The following KALRN variants were observed in gnomAD, a reference collection of about 807,000 sequenced individuals.
KALRN encodes kalirin RhoGEF kinase, also known as kalirin.
KALRN carries 70 observed loss-of-function variants against 353.7 expected under a neutral mutation model. The observed-to-expected ratio is 0.20, with a 90% CI of 0.16 to 0.24. The LOEUF (loss-of-function observed/expected upper bound fraction) is 0.24, where lower values mean the gene tolerates loss of function less well. Ranked by LOEUF, KALRN falls within the 10% of genes least tolerant of loss-of-function variation. KALRN has a pLI of 1.00. For missense variants in KALRN, 2,791 were observed against 3,756.7 expected, an observed-to-expected ratio of 0.74 and a Z score of 6.72; for synonymous variants, 1,391 against 1,434.8, an observed-to-expected ratio of 0.97 and a Z score of 0.69.
chr3:124,457,997 C>A (rs887316842), intron 23 of KALRN, among the ~76,000 whole-genome samples: 1 of 152,026 alleles, frequency 6.6e-6, no homozygotes, highest in East Asian at 1.9e-4. Context: ...CTCTGCTGGC[C>A]GCGTGTGGTG....
chr3:124,135,851 A>G (rs1372115191), intron 1 of KALRN, among the ~76,000 whole-genome samples: 1 of 152,158 alleles, frequency 6.6e-6, no homozygotes, highest in Non-Finnish European at 1.5e-5. Flanking sequence ...AAGGGAAGTG[A>G]TGAACACTGG....
chr3:124,469,736 C>T (rs1277107381), intron 25 of KALRN, among the ~76,000 whole-genome samples: 1 of 152,152 alleles, frequency 6.6e-6, no homozygotes, highest in Non-Finnish European at 1.5e-5. Flanking sequence ...CAGGCCCCTT[C>T]CCCTATCACC....
chr3:124,278,406 G>A (rs1026834202), intron 5 of KALRN, among the ~76,000 whole-genome samples: 4 of 151,562 alleles, frequency 2.6e-5, no homozygotes, highest in Non-Finnish European at 5.9e-5. Flanking sequence ...CCCCAGTAGG[G>A]GAAACAGGGG....
chr3:124,583,324 C>A (rs2074806450), intron 34 of KALRN, among the ~76,000 whole-genome samples: 1 of 151,326 alleles, frequency 6.6e-6, no homozygotes, highest in South Asian at 2.1e-4. Flanking sequence ...TAAAGCTGGA[C>A]ACAAAGGAAT....
At chr3:124,419,288 A>T (rs1188944694) in intron 14 of KALRN, among the ~76,000 whole-genome samples, 1 of 151,016 alleles carries the variant, frequency 6.6e-6, no homozygotes, top group Non-Finnish European at 1.5e-5. Context: ...AGGGAAAGGA[A>T]AAAGTGAGAA....
chr3:124,653,757 T>C (rs1189147336), intron 38 of KALRN, among the ~76,000 whole-genome samples: 1 of 152,252 alleles, frequency 6.6e-6, no homozygotes, highest in Non-Finnish European at 1.5e-5. Context: ...ATAATTTTAG[T>C]TGGACCAAAG....
chr3:124,192,726 C>G (rs1161702166), intron 1 of KALRN, among the ~76,000 whole-genome samples: 1 of 152,150 alleles, frequency 6.6e-6, no homozygotes, highest in Non-Finnish European at 1.5e-5. Flanking sequence ...GATGTGTGTG[C>G]ACAGAGGAGA....
Position 124,462,505 on chromosome 3 carries a change from A to C in KALRN, c.3922-19A>C. The stretch of plus-strand genomic sequence containing the variant: ...GGCCTGCCAGACTTGCCAGTGATGA[A>C]ACTGTTACTGTCTTACAGACCTACC... On this transcript the variant is annotated intron_variant, in intron 24 of 59. Transcript: ENST00000682506. 1.4e-6 allele frequency: 2 copies of C among 1,445,068 alleles called. No homozygotes were observed. The highest frequency in any genetic ancestry group is 1.9e-6 in the Non-Finnish European group (2 of 1,028,658). 89.5% of individuals were successfully genotyped at this position (1,445,068 alleles called of 1,614,324 possible).
intron 8 of KALRN, among the ~76,000 whole-genome samples, chr3:124,330,531 A>G (rs563649168): frequency 6.6e-6 from 1 of 152,310 alleles, no homozygotes; most frequent in East Asian, 1.9e-4. Context: ...AGAAGCTTCC[A>G]TGAATGTGAA....
At chr3:124,645,809 GT>G (rs1559757156) in intron 37 of KALRN, among the ~76,000 whole-genome samples, 1 of 151,862 alleles carries the variant, frequency 6.6e-6, no homozygotes, top group Non-Finnish European at 1.5e-5. Flanking sequence ...TTACCTTTGC[GT>G]ATATACCCAG....
At chr3:124,668,663 A>G (rs2085982827) in intron 47 of KALRN, among the ~76,000 whole-genome samples, 1 of 152,244 alleles carries the variant, frequency 6.6e-6, no homozygotes, top group Non-Finnish European at 1.5e-5. Flanking sequence ...TGTAAAAAAA[A>G]TTTGGTGAAA....
At chr3:124,180,848 T>A (rs372420851) in intron 1 of KALRN, among the ~76,000 whole-genome samples, 1 of 151,556 alleles carries the variant, frequency 6.6e-6, no homozygotes, top group African/African-American at 2.4e-5. Flanking sequence ...CTTCCTGTAA[T>A]GAACAACACT....
chr3:124,299,785 C>T (rs1253941908), intron 6 of KALRN, among the ~76,000 whole-genome samples: 1 of 152,114 alleles, frequency 6.6e-6, no homozygotes, highest in Non-Finnish European at 1.5e-5. Context: ...TCCAGATGAC[C>T]ACTCTTATCC....
chr3:124,308,684 CAT>C (rs2077945555), intron 6 of KALRN, among the ~76,000 whole-genome samples: 1 of 151,678 alleles, frequency 6.6e-6, no homozygotes, highest in Non-Finnish European at 1.5e-5. Context: ...TTAGAGAGAA[CAT>C]ATAGTTGTAA....
chr3:124,358,387 T>C (rs567065898), intron 10 of KALRN, among the ~76,000 whole-genome samples: 1 of 151,712 alleles, frequency 6.6e-6, no homozygotes, highest in Non-Finnish European at 1.5e-5. Context: ...AAGGAAGTCT[T>C]TTTTTTTCTT....
rs1448401206 is a variant in KALRN at position 124,456,624 on chromosome 3, G to A, written c.3750G>A (p.Leu1250=). Residue 1250 remains leucine, a synonymous_variant, in exon 23 of 60, where the codon CTG becomes CTA. Transcript: ENST00000682506. ...TCCATGTGCAGGATAATAAGGACCT[G>A]GAGCTGGATATTATCCCAGCAAGCC... ...LGVNTEDNKD[L]ELDIIPASLS... is the part of the protein sequence containing the mutation. The A allele has an allele frequency of 6.2e-7, 1 of 1,611,596 alleles. No homozygotes were observed. Among genetic ancestry groups the A allele is most frequent in the Non-Finnish European group, 8.5e-7 (1 of 1,178,330 alleles).
chr3:124,210,990 A>G (rs1302809477), intron 1 of KALRN, among the ~76,000 whole-genome samples: 1 of 152,242 alleles, frequency 6.6e-6, no homozygotes. Flanking sequence ...TGGAGGCAGC[A>G]CATTTCCTCT....
intron 51 of KALRN, among the ~76,000 whole-genome samples, chr3:124,688,303 A>T: frequency 8.0e-6 from 1 of 124,992 alleles, no homozygotes; most frequent in African/African-American, 3.0e-5. Context: ...ACAGCGTGAG[A>T]CCCTGTCAAA....
intron 5 of KALRN, among the ~76,000 whole-genome samples, chr3:124,279,698 A>C (rs1449234335): frequency 1.3e-5 from 2 of 152,366 alleles, no homozygotes; most frequent in South Asian, 2.1e-4. Flanking sequence ...CACTTGCTGA[A>C]GATAAGCCAA....
Sources: allele counts gnomAD v4.1 joint callset (sites outside exome capture counted in the v4.1 genomes callset), GRCh38; gene constraint gnomAD v4.1.1; transcripts MANE v1.5; gene names NCBI Gene and HGNC (gene_info 2026-07-23, HGNC 2026-07-21).